BCAN: variants seen among roughly 807,000 people sequenced by gnomAD.
BCAN encodes the protein brevican.
In BCAN, 51 loss-of-function variants were observed where a neutral mutation model predicts 92.4. The ratio of observed to expected loss-of-function variants is 0.55; its 90% CI spans 0.44 to 0.70. The LOEUF is 0.70. Among genes scored for constraint, BCAN ranks in the 30% least tolerant of loss-of-function variants. The pLI, the probability that BCAN is intolerant of heterozygous loss-of-function variation, is 0.00. For missense variants in BCAN, 1,140 were observed against 1,212.1 expected (o/e 0.94, Z 0.88); for synonymous variants, 501 against 505.2 (o/e 0.99, Z 0.11).
At chr1:156,648,977 G>T in intron 6 of BCAN, 116 bp downstream of exon 6, 3 of 1,215,440 alleles carry the variant, frequency 2.5e-6, no homozygotes, top group Non-Finnish European at 2.2e-6. Flanking sequence ...TGCCTGAAGT[G>T]GTCGTGGGTG....
Position 156,652,634 on chromosome 1 carries a change from G to T in BCAN, c.1684G>T (p.Ala562Ser), listed in dbSNP as rs763433784. ...ASPSPSTLVE[A>S]REVGEATGGP... Reference sequence around the variant, plus strand: ...CCCATCACCTTCCACTCTGGTTGAGGCAAGAGAGGTGGGGGAGGCAACTGG... The same window carrying T: ...CCCATCACCTTCCACTCTGGTTGAGTCAAGAGAGGTGGGGGAGGCAACTGG... The change falls in exon 8 of 14, where the codon GCA (alanine) becomes TCA (serine). Residue 562 changes from alanine to serine, a missense_variant. Physicochemically the swap from Ala to Ser is moderately conservative, Grantham distance 99. Around this residue, in one of 3 missense-constraint regions of BCAN, gnomAD observed 825 missense variants for 871.8 expected, o/e 0.95. Coordinates refer to ENST00000329117, the MANE Select transcript of BCAN (RefSeq NM_021948.5). 6 of 1,613,932 alleles carry T rather than the reference G, an allele frequency of 3.7e-6. No homozygotes were observed. Among genetic ancestry groups the T allele is most frequent in the Non-Finnish European group, 5.1e-6 (6 of 1,179,864 alleles).
chr1:156,659,014 G>T lies in BCAN; in HGVS notation c.2629-13G>T. ...AAGAGCCAGGGTGGAGGGTGAGTGT[G>T]TGTCTTCCCCAGGCCCGAGCTCTGC... is the stretch of plus-strand genomic sequence containing the variant. On this transcript the variant is annotated splice_polypyrimidine_tract_variant and intron_variant, in intron 13 of 13. Coordinates refer to ENST00000329117, the MANE Select transcript of BCAN (RefSeq NM_021948.5). 3 of 1,583,952 alleles carry T rather than the reference G, an allele frequency of 1.9e-6. No individual in the cohort carries two copies. Among genetic ancestry groups the T allele is most frequent in the Non-Finnish European group, 2.6e-6 (3 of 1,165,666 alleles).
intron 8 of BCAN, among the ~76,000 whole-genome samples, chr1:156,653,654 C>G (rs2102568316): frequency 6.6e-6 from 1 of 152,280 alleles, no homozygotes; most frequent in South Asian, 2.1e-4. Flanking sequence ...GGCAGTCTAA[C>G]AGCCCCTCAT....
rs758607194 is a variant in BCAN, at chr1:156,647,605, C to T, written c.564C>T (p.Thr188=). ...ACARIGAHIA[T]PEQLYAAYLG... is the part of the protein sequence containing the mutation. Reference sequence around the variant, plus strand: ...CCCGCATTGGAGCCCACATCGCCACCCCGGAGCAGCTCTATGCCGCCTACC... The same window carrying T: ...CCCGCATTGGAGCCCACATCGCCACTCCGGAGCAGCTCTATGCCGCCTACC... The change falls in exon 4 of 14, where the codon ACC becomes ACT. Residue 188 remains threonine (T), a synonymous_variant. Transcript: ENST00000329117. This position sits in a 1 kb window ranked among gnomAD's most constrained non-coding sequence, Gnocchi z 4.8. The T allele has an allele frequency of 6.8e-6, 11 of 1,613,286 alleles. No individual in the cohort carries two copies. The highest frequency in any genetic ancestry group is 8.5e-6 in the Non-Finnish European group (10 of 1,179,726).
chr1:156,653,166 C>T, intron 8 of BCAN: 2 of 1,391,032 alleles, frequency 1.4e-6, no homozygotes, highest in Non-Finnish European at 1.9e-6. Context: ...CCACCTGTGG[C>T]TCACATCTCG....
chr1:156,651,606 T>A lies in BCAN; in HGVS notation c.1214T>A (p.Ile405Asn). The change falls in exon 7 of 14, where the codon ATC becomes AAC. Residue 405 changes from isoleucine to asparagine, a missense_variant. Physicochemically the swap from Ile to Asn is moderately radical, Grantham distance 149. Coordinates refer to ENST00000329117, the MANE Select transcript of BCAN (RefSeq NM_021948.5). ...ACAGAGAGTGAATCCCGTGGGGCCA[T>A]CTACTCCATCCCCATCATGGAGGAC... ...EATESESRGA[I>N]YSIPIMEDGG... 1.9e-6 allele frequency: 3 copies of A among 1,613,846 alleles called. No individual in the cohort carries two copies. Among genetic ancestry groups the A allele is most frequent in the African/African-American group, 1.3e-5 (1 of 75,014 alleles).
Position 156,657,651 on chromosome 1 carries a change from C to T in BCAN, c.2210-24C>T, listed in dbSNP as rs771328378. The stretch of plus-strand genomic sequence containing the variant: ...GCCGCCATCTGCTGGCGGCTGCGCT[C>T]ACTGCACGCCTTCGTCTCCCTAGAC... On this transcript the variant is annotated intron_variant, in intron 10 of 13. Transcript: ENST00000329117. The T allele has an allele frequency of 8.2e-6, 13 of 1,587,580 alleles. 1 individual carries two copies. The South Asian group carries it at 1.5e-4, about 18-fold the overall frequency.
At chr1:156,656,244 G>T in intron 8 of BCAN, 38 bp from the exon 9 acceptor site, 1 of 1,408,734 alleles carries the variant, frequency 7.1e-7, no homozygotes, top group Non-Finnish European at 9.3e-7. Context: ...GAGTGCGGCT[G>T]CCTCGCTCCC....
In BCAN at chr1:156,658,627, G is replaced by T. The variant is rs763780511; in HGVS notation, c.2522G>T (p.Arg841Leu). Residue 841 changes from arginine to leucine, a missense_variant, in exon 13 of 14, where the codon CGC (arginine) becomes CTC (leucine). Arg to Leu is a moderately radical substitution (Grantham distance 102, BLOSUM62 -2). Around this residue, in one of 3 missense-constraint regions of BCAN, gnomAD observed 825 missense variants for 871.8 expected, o/e 0.95. Coordinates refer to ENST00000329117, the MANE Select transcript of BCAN (RefSeq NM_021948.5). This position sits in a 1 kb window ranked among gnomAD's most constrained non-coding sequence, Gnocchi z 4.4. ...CGCTATGAGGTGGACACTGTGCTTC[G>T]CTACCGGTGCCGGGAAGGACTGGCC... Reference protein sequence around the residue: ...RLRYEVDTVLRYRCREGLAQR... With the variant: ...RLRYEVDTVLLYRCREGLAQR... 4 of 1,614,000 alleles carry T rather than the reference G, an allele frequency of 2.5e-6. No homozygotes were observed. The East Asian group carries it at 8.9e-5, about 36-fold the overall frequency.
At position 156,647,154 on chromosome 1, in the gene BCAN, G is replaced by A; in HGVS notation, c.445G>A (p.Ala149Thr). The change falls in exon 3 of 14, where the codon GCT becomes ACT. Residue 149 changes from alanine (A) to threonine (T), a missense_variant. Ala to Thr is a moderately conservative substitution (Grantham distance 58). Coordinates refer to ENST00000329117, the MANE Select transcript of BCAN (RefSeq NM_021948.5). This position sits in a 1 kb window ranked among gnomAD's most constrained non-coding sequence, Gnocchi z 4.8. ...VQHGIDDSSD[A>T]VEVKVKGVVF... ...GCACGGCATCGATGACAGCAGCGAC[G>A]CTGTGGAGGTCAAGGTCAAAGGTGA... 1 of 1,564,768 alleles carries A rather than the reference G, an allele frequency of 6.4e-7. No homozygotes were observed. The highest frequency in any genetic ancestry group is 8.7e-7 in the Non-Finnish European group (1 of 1,147,640).
chr1:156,652,944 C>T (rs376626226), intron 8 of BCAN, 52 bp downstream of exon 8: 1 of 1,599,080 alleles, frequency 6.3e-7, no homozygotes, highest in Non-Finnish European at 8.5e-7. Flanking sequence ...CTTTTCTTCC[C>T]CCTGCAGCTC....
chr1:156,650,009 A>T, intron 6 of BCAN: 1 of 512,918 alleles, frequency 1.9e-6, no homozygotes, highest in South Asian at 1.4e-5. Context: ...ACTGAGAGAA[A>T]AGCATTACTT....
At position 156,651,659 on chromosome 1, in the gene BCAN, G is replaced by C; in HGVS notation, c.1267G>C (p.Asp423His). The change falls in exon 7 of 14, where the codon GAC becomes CAC. Residue 423 changes from aspartate (D) to histidine (H), a missense_variant. Around this residue, in one of 3 missense-constraint regions of BCAN, gnomAD observed 825 missense variants for 871.8 expected, o/e 0.95. Transcript: ENST00000329117. ...AGGAGGTGGAAGCTCCACTCCAGAA[G>C]ACCCAGCAGAGGCCCCTAGGACGCT... ...DGGGGSSTPEDPAEAPRTLLE... is the reference protein window; with the variant it reads ...DGGGGSSTPEHPAEAPRTLLE... 6.2e-7 allele frequency: 1 copy of C among 1,613,428 alleles called. No homozygotes were observed. The highest frequency in any genetic ancestry group is 8.5e-7 in the Non-Finnish European group (1 of 1,179,948).
Position 156,647,960 on chromosome 1 carries a change from G to A in BCAN, c.642-23G>A, listed in dbSNP as rs754419693. On this transcript the variant is annotated intron_variant, in intron 4 of 13. Coordinates refer to ENST00000329117, the MANE Select transcript of BCAN (RefSeq NM_021948.5). The surrounding 1 kb of genome is among the most constrained non-coding windows in gnomAD (Gnocchi z 4.8). ...TCCCTGGTGAAAGCATCTGTACTAA[G>A]TGATTCTGTCCTTCCTCCCTAGGTA... is the stretch of plus-strand genomic sequence containing the variant. 4 of 1,612,156 alleles carry A rather than the reference G, an allele frequency of 2.5e-6. No individual in the cohort carries two copies. The South Asian group carries it at 4.4e-5, about 18-fold the overall frequency.
chr1:156,642,893 A>G lies in BCAN; in HGVS notation c.-9+618A>G, dbSNP rs1678837359. 6.6e-6 allele frequency: 1 copy of G among 152,234 alleles called. No homozygotes were observed. 9.4% of individuals were successfully genotyped at this position (152,234 alleles called of 1,614,324 possible). ...CAATCTTTTTCTCACAGTTGAGGTT[A>G]TCCACAGGAAGCATTTAGGAGAACT... On this transcript the variant is annotated intron_variant, in intron 1 of 13. Transcript: ENST00000329117. This position sits in a 1 kb window ranked among gnomAD's most constrained non-coding sequence, Gnocchi z 4.2.
chr1:156,657,182 T>C lies in BCAN; in HGVS notation c.2209+86T>C, dbSNP rs544020867. On this transcript the variant is annotated intron_variant, in intron 10 of 13. Transcript: ENST00000329117. ...CCTAACCGCCTTCCTCATTAACCCA[T>C]GCACTTATTCCTTGGTTTTCTCAAG... 216 of 1,514,534 alleles carry C rather than the reference T, an allele frequency of 1.4e-4. 2 individuals are homozygous for C. The South Asian group carries it at 1.5e-3, about 11-fold the overall frequency. The allele number at this position is 1,514,534 out of a possible 1,614,324, so 93.8% of individuals were successfully genotyped here.
intron 8 of BCAN, 24 bp downstream of exon 8, chr1:156,652,916 G>T: frequency 2.5e-6 from 4 of 1,612,340 alleles, no homozygotes; most frequent in Non-Finnish European, 3.4e-6. Context: ...AGGCTCAACT[G>T]CCCTCTCTAT....
chr1:156,651,770 G>T (rs1168722270), intron 7 of BCAN, 81 bp downstream of exon 7: 32 of 1,245,200 alleles, frequency 2.6e-5, no homozygotes, highest in Non-Finnish European at 3.4e-5. Context: ...TTGATGCTAG[G>T]GTGATGGATG....
At chr1:156,652,127 G>A (rs1679183349) in intron 7 of BCAN, 121 bp from the exon 8 acceptor site, 5 of 1,331,296 alleles carry the variant, frequency 3.8e-6, no homozygotes, top group East Asian at 4.7e-5. Flanking sequence ...TCCTCAGGGC[G>A]GTCTCTTCCC....
Sources: allele counts gnomAD v4.1 joint callset (sites outside exome capture counted in the v4.1 genomes callset), GRCh38; gene constraint gnomAD v4.1.1; regional missense constraint gnomAD v4.1.1; non-coding constraint Gnocchi (gnomAD v3.1); transcripts MANE v1.5; gene names NCBI Gene and HGNC (gene_info 2026-07-23, HGNC 2026-07-21).